Variants in CTNNA3 observed in about 807,000 individuals in gnomAD.
CTNNA3 encodes the protein catenin alpha 3.
In CTNNA3, 76 loss-of-function variants were observed where a neutral mutation model predicts 95.7. That is an observed-to-expected ratio of 0.79 (90% CI 0.66 to 0.96). CTNNA3 has a LOEUF of 0.96. CTNNA3 is among the 40% of genes least tolerant of loss of function. The pLI is 0.00. For missense variants in CTNNA3, 1,191 were observed against 1,089.8 expected (o/e 1.09, Z -1.31); for synonymous variants, 431 against 374.4 (o/e 1.15, Z -1.74).
intron 12 of CTNNA3, among the ~76,000 whole-genome samples, chr10:66,331,553 C>A (rs2092331346): frequency 6.6e-6 from 1 of 151,364 alleles, no homozygotes; most frequent in Non-Finnish European, 1.5e-5. Flanking sequence ...GGGGTTTCAC[C>A]ATGTTAGCCA....
At chr10:67,489,805 T>TATATATATATATATAC (rs927605119) in intron 5 of CTNNA3, among the ~76,000 whole-genome samples, 50 of 148,960 alleles carry the variant, frequency 3.4e-4, no homozygotes, top group African/African-American at 1.2e-3. Flanking sequence ...TATATATATA[T>TATATATATATATATAC]ACACACATTA....
intron 7 of CTNNA3, among the ~76,000 whole-genome samples, chr10:67,074,809 A>T (rs1385632660): frequency 6.7e-6 from 1 of 148,580 alleles, no homozygotes; most frequent in Non-Finnish European, 1.5e-5. Context: ...TGAACATAAC[A>T]TAATTTATTT....
At chr10:65,920,720 G>T in intron 17 of CTNNA3, 103 bp from the exon 18 acceptor site, 2 of 1,226,322 alleles carry the variant, frequency 1.6e-6, no homozygotes, top group Non-Finnish European at 2.3e-6. Flanking sequence ...CAGCTACTCA[G>T]GAGGCTGAGG....
At chr10:67,573,995 G>A (rs1842058983) in intron 3 of CTNNA3, among the ~76,000 whole-genome samples, 1 of 152,152 alleles carries the variant, frequency 6.6e-6, no homozygotes, top group Admixed American at 6.6e-5. Context: ...TGGTAAGAAT[G>A]AAGAAGGCTA....
At chr10:66,246,059 C>G (rs2132053660) in intron 13 of CTNNA3, among the ~76,000 whole-genome samples, 1 of 152,284 alleles carries the variant, frequency 6.6e-6, no homozygotes, top group Admixed American at 6.5e-5. Context: ...CCCTCTATGG[C>G]CCAAAGGTGG....
chr10:66,193,697 A>C (rs2086796814), intron 13 of CTNNA3, among the ~76,000 whole-genome samples: 1 of 152,152 alleles, frequency 6.6e-6, no homozygotes, highest in South Asian at 2.1e-4. Context: ...AGTTATCTTT[A>C]TTCCTGTTGC....
intron 13 of CTNNA3, among the ~76,000 whole-genome samples, chr10:66,167,371 C>T (rs1263619967): frequency 1.3e-5 from 2 of 152,130 alleles, no homozygotes; most frequent in African/African-American, 4.8e-5. Context: ...AATGTGACAG[C>T]AAACGTTAAG....
At chr10:66,753,043 A>C (rs1839217583) in intron 9 of CTNNA3, among the ~76,000 whole-genome samples, 1 of 152,172 alleles carries the variant, frequency 6.6e-6, no homozygotes, top group South Asian at 2.1e-4. Context: ...ATGGTGTTGC[A>C]TACATCATAG....
chr10:67,566,043 G>GTGTATATATA (rs1274109672), intron 3 of CTNNA3, among the ~76,000 whole-genome samples: 9 of 26,948 alleles, frequency 3.3e-4, no homozygotes, highest in Middle Eastern at 0.025. Context: ...ATGTGTGTGT[G>GTGTATATATA]TATATATATA....
chr10:66,172,902 A>G (rs1272897444), intron 13 of CTNNA3, among the ~76,000 whole-genome samples: 2 of 152,206 alleles, frequency 1.3e-5, no homozygotes, highest in East Asian at 1.9e-4. Context: ...ACAAGGCATT[A>G]TAATAGCTGT....
At chr10:67,132,088 TAGAC>T (rs962167044) in intron 7 of CTNNA3, among the ~76,000 whole-genome samples, 6 of 152,076 alleles carry the variant, frequency 3.9e-5, no homozygotes, top group African/African-American at 1.2e-4. Context: ...TCAGTGTGAA[TAGAC>T]AGACAAGGAT....
At chr10:66,876,919 C>T (rs139990458) in intron 7 of CTNNA3, among the ~76,000 whole-genome samples, 250 of 152,240 alleles carry the variant, frequency 1.6e-3, no homozygotes, top group African/African-American at 5.8e-3. Flanking sequence ...CCTTTGCTTT[C>T]CTCAAGAACA....
chr10:66,136,141 A>G (rs1470929493), intron 13 of CTNNA3, among the ~76,000 whole-genome samples: 1 of 152,140 alleles, frequency 6.6e-6, no homozygotes, highest in African/African-American at 2.4e-5. Flanking sequence ...TGACCTTGTG[A>G]TCCGTCCTTC....
intron 7 of CTNNA3, among the ~76,000 whole-genome samples, chr10:66,833,283 C>T (rs1274904753): frequency 6.6e-6 from 1 of 152,154 alleles, no homozygotes; most frequent in Non-Finnish European, 1.5e-5. Context: ...AGGCTTAATG[C>T]ATGAATCAAG....
At chr10:66,337,679 A>T (rs920205866) in intron 12 of CTNNA3, among the ~76,000 whole-genome samples, 7 of 152,158 alleles carry the variant, frequency 4.6e-5, no homozygotes, top group Admixed American at 1.3e-4. Context: ...AAGGCAATAC[A>T]AACTAAAACC....
chr10:67,199,996 A>T (rs1417869018), intron 6 of CTNNA3, among the ~76,000 whole-genome samples: 5 of 152,204 alleles, frequency 3.3e-5, no homozygotes, highest in Non-Finnish European at 7.3e-5. Context: ...TGGTAAGAAT[A>T]CTTTGCCCCT....
intron 1 of CTNNA3, among the ~76,000 whole-genome samples, chr10:67,748,460 A>G (rs1038446912): frequency 3.3e-5 from 5 of 152,208 alleles, no homozygotes; most frequent in African/African-American, 9.6e-5. Flanking sequence ...CAACATTCTT[A>G]AAGAAAAGAA....
intron 11 of CTNNA3, among the ~76,000 whole-genome samples, chr10:66,516,218 G>A (rs1172065204): frequency 1.3e-5 from 2 of 152,032 alleles, no homozygotes; most frequent in African/African-American, 4.8e-5. Context: ...TAATCTGTGG[G>A]AGCAGATGTT....
At chr10:66,259,988 C>T (rs1459819849) in intron 13 of CTNNA3, among the ~76,000 whole-genome samples, 1 of 152,092 alleles carries the variant, frequency 6.6e-6, no homozygotes, top group Non-Finnish European at 1.5e-5. Flanking sequence ...GGCTTAGGAA[C>T]TGATACCCCA....
Sources: gnomAD v4.1 joint callset for allele counts (sites outside exome capture counted in the v4.1 genomes callset) on GRCh38, gnomAD v4.1.1 for gene constraint, MANE v1.5 for transcripts, NCBI Gene and HGNC (gene_info 2026-07-23, HGNC 2026-07-21) for gene names.